Variants in SEPTIN8 observed in about 807,000 individuals in gnomAD.
SEPTIN8 encodes septin-8.
A neutral mutation model predicts 53.1 loss-of-function variants in SEPTIN8; 22 were observed. That is an observed-to-expected ratio of 0.41 (90% CI 0.30 to 0.59). SEPTIN8 has a LOEUF of 0.59. SEPTIN8 is among the 20% of genes least tolerant of loss of function. The pLI is 0.24. For missense variants in SEPTIN8, 536 were observed against 638.7 expected (o/e 0.84, Z 1.73); for synonymous variants, 228 against 248.4 (o/e 0.92, Z 0.77).
chr5:132,762,447 TGGCCCCAG>T, intron 5 of SEPTIN8, 29 bp downstream of exon 5: 1 of 1,602,834 alleles, frequency 6.2e-7, no homozygotes, highest in Non-Finnish European at 8.5e-7. Context: ...CCTCGCCCTC[TGGCCCCAG>T]GGCCCTGAGG....
At chr5:132,758,775 C>G in intron 9 of SEPTIN8, 1 of 1,614,090 alleles carries the variant, frequency 6.2e-7, no homozygotes, top group Admixed American at 1.7e-5. Flanking sequence ...CAACTTAACA[C>G]ATGAAAGTCT....
chr5:132,765,271 C>T, intron 2 of SEPTIN8, 138 bp downstream of exon 2: 2 of 1,025,446 alleles, frequency 2.0e-6, no homozygotes, highest in Non-Finnish European at 2.8e-6. Flanking sequence ...GAGACACCAA[C>T]CAAATCCTCG....
Position 132,773,457 on chromosome 5 carries a change from T to C in SEPTIN8, c.30+3651A>G, listed in dbSNP as rs1214590189. 1.3e-5 allele frequency among the ~76,000 whole-genome samples: 2 copies of C among 152,180 alleles called. No individual in the cohort carries two copies. Among genetic ancestry groups the C allele is most frequent in the Non-Finnish European group, 2.9e-5 (2 of 68,032 alleles). On this transcript the variant is annotated intron_variant, in intron 1 of 9. Transcript: ENST00000378719. This position sits in a 1 kb window ranked among gnomAD's most constrained non-coding sequence, Gnocchi z 4.2. ...GTGGTAGTTACTGCCCCAAATATAA[T>C]ATATGCTTCCACCTAGCCCATCCGA...
chr5:132,763,433 G>A lies in SEPTIN8; in HGVS notation c.534+273C>T, dbSNP rs151217201. ...GGGGAACAAACACTATCGGGAGCGG[G>A]AGGGGCTGACAATGAGAATGATTCA... On this transcript the variant is annotated intron_variant, in intron 4 of 9. Transcript: ENST00000378719. 7.0e-3 allele frequency among the ~76,000 whole-genome samples: 1,061 copies of A among 152,332 alleles called. 12 individuals carry two copies. Among genetic ancestry groups the A allele is most frequent in the African/African-American group, 0.024 (982 of 41,570 alleles).
At chr5:132,764,973 G>A (rs1324644850) in intron 2 of SEPTIN8, among the ~76,000 whole-genome samples, 3 of 151,914 alleles carry the variant, frequency 2.0e-5, no homozygotes, top group East Asian at 3.9e-4. Context: ...GGGAACCTCC[G>A]AGAGCCTCTC....
At chr5:132,767,981 AC>A (rs1438294970) in intron 1 of SEPTIN8, among the ~76,000 whole-genome samples, 1 of 150,604 alleles carries the variant, frequency 6.6e-6, no homozygotes, top group African/African-American at 2.5e-5. Flanking sequence ...ACACACACAC[AC>A]ACACGCAGCC....
At chr5:132,752,907 G>T in intron 9 of SEPTIN8, 1 of 1,614,154 alleles carries the variant, frequency 6.2e-7, no homozygotes, top group Non-Finnish European at 8.5e-7. Flanking sequence ...AACTTGTAAT[G>T]CAGCAACTGA....
At chr5:132,752,721 C>T in intron 9 of SEPTIN8, 1 of 644,536 alleles carries the variant, frequency 1.6e-6, no homozygotes, top group South Asian at 1.8e-5. Flanking sequence ...AAATGGATGT[C>T]CCTGAGATGG....
Position 132,751,664 on chromosome 5 carries a change from G to C in SEPTIN8, c.*352C>G. The C allele has an allele frequency of 2.2e-6, 1 of 455,332 alleles. No individual in the cohort carries two copies. Among genetic ancestry groups the C allele is most frequent in the Non-Finnish European group, 3.9e-6 (1 of 258,640 alleles). The allele number at this position is 455,332 out of a possible 1,614,324, so 28.2% of individuals were successfully genotyped here. A position where few individuals can be genotyped will look rare whatever the true frequency, so the allele number is the denominator to read the frequency against. On this transcript the variant is annotated 3_prime_UTR_variant, in exon 10 of 10. Transcript: ENST00000378719. The stretch of plus-strand genomic sequence containing the variant: ...ATACAAGTAACTTTTCTGCTACCTT[G>C]GTCTTGAATAGTATGTTTCTATTTT...
In SEPTIN8 at chr5:132,777,096, C is replaced by CG; in HGVS notation, c.30+11dup. 1 of 1,106,418 alleles carries CG rather than the reference C, an allele frequency of 9.0e-7. No individual in the cohort carries two copies. Among genetic ancestry groups the CG allele is most frequent in the Non-Finnish European group, 1.1e-6 (1 of 908,956 alleles). 68.5% of individuals were successfully genotyped at this position (1,106,418 alleles called of 1,614,324 possible). On this transcript the variant is annotated intron_variant, in intron 1 of 9. Coordinates refer to ENST00000378719, the MANE Select transcript of SEPTIN8 (RefSeq NM_001098811.2). This position sits in a 1 kb window ranked among gnomAD's most constrained non-coding sequence, Gnocchi z 4.1. ...GCCTCCCGCGCGCGCCGTGGCCCAG[C>CG]GGGGCCCTCACCGAGAAGCGCTCCA...
rs375314523 is a variant in SEPTIN8 at position 132,750,932 on chromosome 5, C to T, written c.*1084G>A. On this transcript the variant is annotated 3_prime_UTR_variant, in exon 10 of 10. Coordinates refer to ENST00000378719, the MANE Select transcript of SEPTIN8 (RefSeq NM_001098811.2). Reference sequence around the variant, plus strand: ...CCCGAATGAGCTGCTGAGGATGGAGCTGGCTATTCTGGACAGACTGCACTG... The same window carrying T: ...CCCGAATGAGCTGCTGAGGATGGAGTTGGCTATTCTGGACAGACTGCACTG... 6.2e-7 allele frequency: 1 copy of T among 1,614,276 alleles called. No homozygotes were observed. The highest frequency in any genetic ancestry group is 1.7e-5 in the Admixed American group (1 of 60,036).
chr5:132,757,713 T>C (rs574275887), intron 9 of SEPTIN8: 693 of 985,478 alleles, frequency 7.0e-4, no homozygotes, highest in Middle Eastern at 1.0e-3. Flanking sequence ...ACTGACATTC[T>C]TGGTGGCTTG....
chr5:132,755,386 TTAACAC>T (rs1203439013), intron 9 of SEPTIN8, among the ~76,000 whole-genome samples: 1 of 152,148 alleles, frequency 6.6e-6, no homozygotes, highest in Non-Finnish European at 1.5e-5. Context: ...GCTGTGTACT[TTAACAC>T]TAGCCACACT....
At chr5:132,772,928 T>C (rs1301711134) in intron 1 of SEPTIN8, among the ~76,000 whole-genome samples, 1 of 152,154 alleles carries the variant, frequency 6.6e-6, no homozygotes, top group East Asian at 1.9e-4. Context: ...TGGGCCCCTG[T>C]ACCTTCCTCT....
chr5:132,766,569 A>G (rs1180874632), intron 1 of SEPTIN8, among the ~76,000 whole-genome samples: 2 of 152,132 alleles, frequency 1.3e-5, no homozygotes, highest in African/African-American at 4.8e-5. Context: ...AGGCAGCTCC[A>G]TGTTGTGCAG....
At chr5:132,768,986 A>C (rs549800193) in intron 1 of SEPTIN8, among the ~76,000 whole-genome samples, 3 of 152,216 alleles carry the variant, frequency 2.0e-5, no homozygotes, top group Non-Finnish European at 4.4e-5. Flanking sequence ...ATGCAGAGGA[A>C]CAGGGAGAAA....
chr5:132,768,427 C>G (rs1027720198), intron 1 of SEPTIN8, among the ~76,000 whole-genome samples: 1 of 152,230 alleles, frequency 6.6e-6, no homozygotes, highest in Non-Finnish European at 1.5e-5. Context: ...AGGGGTAACT[C>G]TCACTAATGC....
intron 3 of SEPTIN8, 101 bp downstream of exon 3, chr5:132,764,123 C>A: frequency 7.7e-7 from 1 of 1,292,432 alleles, no homozygotes; most frequent in Non-Finnish European, 1.1e-6. Flanking sequence ...CCAAGAGGCC[C>A]TCCCTGGCCC....
chr5:132,761,673 C>A lies in SEPTIN8; in HGVS notation c.794-47G>T. The A allele has an allele frequency of 1.2e-6, 2 of 1,605,668 alleles. No homozygotes were observed. Among genetic ancestry groups the A allele is most frequent in the Non-Finnish European group, 1.7e-6 (2 of 1,175,572 alleles). ...GGTATCAGGCAGGCATGCAGGCGGG[C>A]ACACTCCAGAGTCAGGGTAGGCACG... On this transcript the variant is annotated intron_variant, in intron 6 of 9. Coordinates refer to ENST00000378719, the MANE Select transcript of SEPTIN8 (RefSeq NM_001098811.2). The surrounding 1 kb of genome is among the most constrained non-coding windows in gnomAD (Gnocchi z 5.8).
Sources: allele counts gnomAD v4.1 joint callset (sites outside exome capture counted in the v4.1 genomes callset), GRCh38; gene constraint gnomAD v4.1.1; non-coding constraint Gnocchi (gnomAD v3.1); transcripts MANE v1.5; gene names NCBI Gene and HGNC (gene_info 2026-07-23, HGNC 2026-07-21).